Variants in ACVR1 observed in about 807,000 individuals in gnomAD.
The protein encoded by ACVR1 is activin receptor type-1.
A neutral mutation model predicts 57.1 loss-of-function variants in ACVR1; 38 were observed. That is an observed-to-expected ratio of 0.67 (90% CI 0.51 to 0.87). The LOEUF (loss-of-function observed/expected upper bound fraction) is 0.87, where lower values mean the gene tolerates loss of function less well. ACVR1 is among the 40% of genes least tolerant of loss of function. ACVR1 has a pLI of 0.00. For missense variants in ACVR1, 463 were observed against 638.2 expected (o/e 0.73, Z 2.96); for synonymous variants, 212 against 228.1 (o/e 0.93, Z 0.63).
intron 1 of ACVR1, among the ~76,000 whole-genome samples, chr2:157,855,313 T>TGG (rs1689485072): frequency 3.1e-5 from 2 of 64,806 alleles, no homozygotes; most frequent in African/African-American, 8.1e-5. Context: ...TGTGTGTATA[T>TGG]ATATATATAT....
chr2:157,845,646 T>C (rs1470091536), intron 1 of ACVR1, among the ~76,000 whole-genome samples: 1 of 151,036 alleles, frequency 6.6e-6, no homozygotes, highest in Non-Finnish European at 1.5e-5. Context: ...AGGGGAATGC[T>C]GCTGGGAAGG....
At position 157,798,939 on chromosome 2, in the gene ACVR1, C is replaced by T. The variant is rs534318938; in HGVS notation, c.67+488G>A. The stretch of plus-strand genomic sequence containing the variant: ...TGAGACAGAGTCTCGCTCTGTTGCC[C>T]GGGCTGGAGTTCAATGTCGTGATCT... On this transcript the variant is annotated intron_variant, in intron 3 of 10. Transcript: ENST00000434821. 2.0e-5 allele frequency among the ~76,000 whole-genome samples: 3 copies of T among 152,048 alleles called. No homozygotes were observed. The South Asian group carries it at 6.2e-4, about 32-fold the overall frequency.
chr2:157,757,126 G>A (rs575657397), intron 9 of ACVR1, among the ~76,000 whole-genome samples: 31 of 149,268 alleles, frequency 2.1e-4, no homozygotes, highest in Non-Finnish European at 4.0e-4. Flanking sequence ...AATGCAATCC[G>A]GAGACTAAAT....
chr2:157,806,290 C>T (rs1687544030), intron 2 of ACVR1, among the ~76,000 whole-genome samples: 1 of 151,878 alleles, frequency 6.6e-6, no homozygotes, highest in African/African-American at 2.4e-5. Context: ...ACTCTGTGAC[C>T]CCCAATCATC....
chr2:157,783,046 AAT>A (rs1460619814), intron 3 of ACVR1, among the ~76,000 whole-genome samples: 1 of 152,198 alleles, frequency 6.6e-6, no homozygotes, highest in African/African-American at 2.4e-5. Flanking sequence ...GGCTGCTAAG[AAT>A]AACAATAAAC....
At chr2:157,853,941 C>T (rs1424521216) in intron 1 of ACVR1, among the ~76,000 whole-genome samples, 1 of 152,238 alleles carries the variant, frequency 6.6e-6, no homozygotes, top group East Asian at 1.9e-4. Flanking sequence ...AGCTTCCCTA[C>T]ATCCTTCTCC....
chr2:157,757,945 A>G lies in ACVR1; in HGVS notation c.1264+2935T>C, dbSNP rs368901907. ...AGGATATTCAAAACAACCAGAACAC[A>G]ATTAATAAAAAGGCAGAAATAAGTC... On this transcript the variant is annotated intron_variant, in intron 9 of 10. Coordinates refer to ENST00000434821, the MANE Select transcript of ACVR1 (RefSeq NM_001111067.4). Among the ~76,000 whole-genome samples, 25 of 151,964 alleles carry G rather than the reference A, an allele frequency of 1.6e-4. No individual in the cohort carries two copies. In the East Asian group the frequency reaches 3.7e-3, roughly 22 times the overall value.
chr2:157,774,891 TGG>T (rs3835769), intron 5 of ACVR1, among the ~76,000 whole-genome samples: 13 of 150,852 alleles, frequency 8.6e-5, no homozygotes, highest in African/African-American at 3.2e-4. Flanking sequence ...CAGAAAAGGG[TGG>T]GGGGGGTCCT....
Position 157,758,979 on chromosome 2 carries a change from C to T in ACVR1, c.1264+1901G>A, listed in dbSNP as rs541952097. 5.3e-5 allele frequency among the ~76,000 whole-genome samples: 8 copies of T among 151,926 alleles called. No individual in the cohort carries two copies. The East Asian group carries it at 9.6e-4, about 18-fold the overall frequency. The stretch of plus-strand genomic sequence containing the variant: ...GGAAACATAACATACCAAAGTCAAT[C>T]GGATACAACAAAAGAATTGGTAACA... On this transcript the variant is annotated intron_variant, in intron 9 of 10. Transcript: ENST00000434821.
At chr2:157,741,630 G>GAA (rs371686542) in intron 9 of ACVR1, among the ~76,000 whole-genome samples, 3 of 103,048 alleles carry the variant, frequency 2.9e-5, no homozygotes. Flanking sequence ...TCTCCAAAAA[G>GAA]AAAAAAAAAA....
chr2:157,859,427 G>C (rs1285023460), intron 1 of ACVR1, among the ~76,000 whole-genome samples: 1 of 152,176 alleles, frequency 6.6e-6, no homozygotes, highest in Non-Finnish European at 1.5e-5. Flanking sequence ...AGCAGCCCTT[G>C]GGGGGCTATG....
At chr2:157,788,914 A>G (rs1686811318) in intron 3 of ACVR1, among the ~76,000 whole-genome samples, 1 of 152,206 alleles carries the variant, frequency 6.6e-6, no homozygotes, top group African/African-American at 2.4e-5. Flanking sequence ...GAACTCCATG[A>G]AAGGTTAATG....
intron 5 of ACVR1, among the ~76,000 whole-genome samples, chr2:157,774,666 GA>G (rs1205777368): frequency 2.0e-4 from 30 of 152,284 alleles, no homozygotes; most frequent in Middle Eastern, 3.4e-3. Flanking sequence ...GCCTGGCCAG[GA>G]AAAGTTTTAT....
chr2:157,834,670 T>C (rs140227787), intron 1 of ACVR1, among the ~76,000 whole-genome samples: 218 of 152,260 alleles, frequency 1.4e-3, no homozygotes, highest in African/African-American at 4.7e-3. Flanking sequence ...TATATACATA[T>C]ATAAAAACAT....
intron 2 of ACVR1, among the ~76,000 whole-genome samples, chr2:157,812,985 T>C (rs1687802934): frequency 6.6e-6 from 1 of 152,082 alleles, no homozygotes. Flanking sequence ...ATAAGAAAAA[T>C]GAACATCATA....
intron 1 of ACVR1, among the ~76,000 whole-genome samples, chr2:157,829,896 T>C (rs151081557): frequency 6.6e-6 from 1 of 152,178 alleles, no homozygotes; most frequent in South Asian, 2.1e-4. Flanking sequence ...TTTTCACCTA[T>C]GAAACATCAA....
chr2:157,805,594 T>G (rs930357026), intron 2 of ACVR1, among the ~76,000 whole-genome samples: 1 of 151,918 alleles, frequency 6.6e-6, no homozygotes, highest in Non-Finnish European at 1.5e-5. Flanking sequence ...TGTGGAAAAA[T>G]AATTTATGGA....
At chr2:157,778,607 T>C (rs967212523) in intron 4 of ACVR1, among the ~76,000 whole-genome samples, 1 of 152,228 alleles carries the variant, frequency 6.6e-6, no homozygotes, top group African/African-American at 2.4e-5. Context: ...TTTTAAAATA[T>C]AAAGTACTGT....
chr2:157,766,692 T>C (rs978683373), intron 7 of ACVR1, among the ~76,000 whole-genome samples: 8 of 152,274 alleles, frequency 5.3e-5, no homozygotes, highest in Non-Finnish European at 8.8e-5. Flanking sequence ...AGGGGGCAAG[T>C]TTACATTAAA....
Sources: gnomAD v4.1 joint callset for allele counts (sites outside exome capture counted in the v4.1 genomes callset) on GRCh38, gnomAD v4.1.1 for gene constraint, MANE v1.5 for transcripts, NCBI Gene and HGNC (gene_info 2026-07-23, HGNC 2026-07-21) for gene names.